Variants in UGGT2 observed in about 807,000 individuals in gnomAD.
The protein encoded by UGGT2 is UDP-glucose:glycoprotein glucosyltransferase 2.
UGGT2 carries 180 observed loss-of-function variants against 192.1 expected under a neutral mutation model. That is an observed-to-expected ratio of 0.94 (90% confidence interval 0.83 to 1.06). The LOEUF is 1.06. Among genes scored for constraint, UGGT2 ranks in the 50% least tolerant of loss-of-function variants. The pLI is 0.00. For synonymous variants in UGGT2, 580 were observed against 591.0 expected, an observed-to-expected ratio of 0.98 and a Z score of 0.27; for missense variants, 1,849 against 1,795.7, an observed-to-expected ratio of 1.03 and a Z score of -0.54.
chr13:95,962,509 AC>A (rs1566762144), intron 12 of UGGT2, among the ~76,000 whole-genome samples: 1 of 152,244 alleles, frequency 6.6e-6, no homozygotes, highest in East Asian at 1.9e-4. Flanking sequence ...GAAACAGAAA[AC>A]CTGAACAAAC....
chr13:95,846,163 G>C (rs1295810805), intron 36 of UGGT2, among the ~76,000 whole-genome samples: 1 of 152,182 alleles, frequency 6.6e-6, no homozygotes, highest in Non-Finnish European at 1.5e-5. Context: ...GAGACTCCGT[G>C]TGCAATCCCG....
chr13:95,966,891 A>G (rs1273106864), intron 12 of UGGT2, among the ~76,000 whole-genome samples: 1 of 152,118 alleles, frequency 6.6e-6, no homozygotes. Flanking sequence ...ATAATTCTAT[A>G]TTTTTTACTT....
At chr13:95,843,825 T>C (rs1014613781) in intron 36 of UGGT2, among the ~76,000 whole-genome samples, 9 of 152,174 alleles carry the variant, frequency 5.9e-5, no homozygotes, top group Non-Finnish European at 1.0e-4. Flanking sequence ...ATGGATCAAA[T>C]TGTCTATCTT....
At position 96,037,871 on chromosome 13, in the gene UGGT2, T is replaced by C. The variant is rs144785394; in HGVS notation, c.159-5900A>G. ...AAGGAAAGCAGAATAACGAACTATA[T>C]AAAATAAATTTTTTGAAGTGCAGTG... On this transcript the variant is annotated intron_variant, in intron 1 of 38. Transcript: ENST00000376747. Among the ~76,000 whole-genome samples, 775 of 152,342 alleles carry C rather than the reference T, an allele frequency of 5.1e-3. 11 individuals carry two copies. The highest frequency in any genetic ancestry group is 0.018 in the African/African-American group (744 of 41,582).
At chr13:96,023,392 ACTT>A (rs763015864) in intron 3 of UGGT2, among the ~76,000 whole-genome samples, 24 of 152,264 alleles carry the variant, frequency 1.6e-4, no homozygotes, top group Non-Finnish European at 2.9e-4. Context: ...ATTTTATGAT[ACTT>A]CATTTCAATT....
At chr13:95,935,830 A>T (rs1005019417) in intron 17 of UGGT2, among the ~76,000 whole-genome samples, 1 of 152,122 alleles carries the variant, frequency 6.6e-6, no homozygotes, top group East Asian at 1.9e-4. Flanking sequence ...GTTCATTTTT[A>T]AAAATTCTTC....
intron 8 of UGGT2, among the ~76,000 whole-genome samples, chr13:95,988,717 T>C (rs1261031173): frequency 6.6e-6 from 1 of 152,158 alleles, no homozygotes; most frequent in Admixed American, 6.6e-5. Flanking sequence ...TTATAAAACT[T>C]AATAGATTGT....
intron 12 of UGGT2, among the ~76,000 whole-genome samples, chr13:95,962,898 G>T (rs1157996721): frequency 6.6e-6 from 1 of 152,042 alleles, no homozygotes; most frequent in African/African-American, 2.4e-5. Context: ...ACGGTGGGAG[G>T]CATGGAGGAA....
In UGGT2 at chr13:95,927,231, T is replaced by G. The variant is rs2049045102; in HGVS notation, c.2083A>C (p.Asn695His). Reference sequence around the variant, plus strand: ...ATTTTACCTGATGTAGATATTAAATTGAGGTACTGCTGGTTAGTACGCAAA... The same window carrying G: ...ATTTTACCTGATGTAGATATTAAATGGAGGTACTGCTGGTTAGTACGCAAA... The part of the protein sequence containing the change: ...LILRTNQQYL[N>H]LISTSVTADV... The change falls in exon 18 of 39, where the codon AAT becomes CAT. Residue 695 changes from asparagine to histidine, a missense_variant. By Grantham distance (68) the Asn-to-His change is moderately conservative. Coordinates refer to ENST00000376747, the MANE Select transcript of UGGT2 (RefSeq NM_020121.4). The G allele has an allele frequency of 6.2e-7, 1 of 1,611,730 alleles. No homozygotes were observed. The highest frequency in any genetic ancestry group is 1.7e-5 in the Admixed American group (1 of 59,888).
At chr13:95,980,127 A>G (rs562427546) in intron 10 of UGGT2, among the ~76,000 whole-genome samples, 5 of 152,278 alleles carry the variant, frequency 3.3e-5, no homozygotes, top group African/African-American at 1.2e-4. Context: ...TAGCAATCCC[A>G]CTACTAGGTA....
chr13:95,851,030 G>A (rs1230934369), intron 36 of UGGT2, among the ~76,000 whole-genome samples: 1 of 152,188 alleles, frequency 6.6e-6, no homozygotes, highest in Non-Finnish European at 1.5e-5. Context: ...TCCCTGTGGG[G>A]TCAGTCAACT....
intron 29 of UGGT2, among the ~76,000 whole-genome samples, chr13:95,875,932 A>T (rs184953229): frequency 6.6e-6 from 1 of 152,354 alleles, no homozygotes; most frequent in Admixed American, 6.5e-5. Flanking sequence ...AATGAAATCT[A>T]GAGATATTTA....
intron 38 of UGGT2, among the ~76,000 whole-genome samples, chr13:95,823,270 G>A (rs111641942): frequency 6.6e-5 from 10 of 152,200 alleles, no homozygotes; most frequent in African/African-American, 2.4e-4. Context: ...AGAATGTTCT[G>A]TAAACTTCTG....
intron 37 of UGGT2, among the ~76,000 whole-genome samples, chr13:95,836,174 G>A (rs1235925229): frequency 6.6e-6 from 1 of 152,090 alleles, no homozygotes; most frequent in East Asian, 1.9e-4. Flanking sequence ...TCAGCCTCCT[G>A]AGTAGCTGGG....
At chr13:95,862,457 C>G (rs559614183) in intron 31 of UGGT2, among the ~76,000 whole-genome samples, 1 of 152,280 alleles carries the variant, frequency 6.6e-6, no homozygotes, top group African/African-American at 2.4e-5. Context: ...CACCTAACAT[C>G]TGTTCCCCTT....
chr13:95,883,063 G>C (rs538205092), intron 27 of UGGT2, among the ~76,000 whole-genome samples: 1 of 152,050 alleles, frequency 6.6e-6, no homozygotes, highest in Non-Finnish European at 1.5e-5. Flanking sequence ...ACTGATATTA[G>C]AAGATGGTTA....
intron 22 of UGGT2, among the ~76,000 whole-genome samples, chr13:95,899,317 C>T (rs577121939): frequency 2.2e-4 from 33 of 152,274 alleles, no homozygotes; most frequent in African/African-American, 6.7e-4. Flanking sequence ...GATGCCTTAT[C>T]AGTAAGGGTG....
chr13:95,944,868 T>A (rs2049811405), intron 15 of UGGT2, among the ~76,000 whole-genome samples: 1 of 152,036 alleles, frequency 6.6e-6, no homozygotes, highest in African/African-American at 2.4e-5. Flanking sequence ...TGATTTTTAA[T>A]CTGCTTCACC....
At chr13:95,817,244 G>A (rs915853845) in intron 38 of UGGT2, among the ~76,000 whole-genome samples, 5 of 152,160 alleles carry the variant, frequency 3.3e-5, no homozygotes, top group Admixed American at 6.5e-5. Context: ...GGTATAATCA[G>A]TAAGTATAAG....
Sources: allele counts gnomAD v4.1 joint callset (sites outside exome capture counted in the v4.1 genomes callset), GRCh38; gene constraint gnomAD v4.1.1; transcripts MANE v1.5; gene names NCBI Gene and HGNC (gene_info 2026-07-23, HGNC 2026-07-21).